ARL15: variants seen among roughly 807,000 people sequenced by gnomAD.
ARL15 encodes the protein ADP-ribosylation factor-like protein 15.
Under a neutral mutation model 25.2 loss-of-function variants are expected in ARL15, and 19 were observed. That is an observed-to-expected ratio of 0.75 (90% confidence interval 0.53 to 1.10). The LOEUF (loss-of-function observed/expected upper bound fraction) is 1.10, where lower values mean the gene tolerates loss of function less well. Ranked by LOEUF, ARL15 falls within the 50% of genes least tolerant of loss-of-function variation. The pLI is 0.00. For missense variants in ARL15, 220 were observed against 246.0 expected, an observed-to-expected ratio of 0.89 and a Z score of 0.71; for synonymous variants, 94 against 86.8, an observed-to-expected ratio of 1.08 and a Z score of -0.46.
intron 4 of ARL15, among the ~76,000 whole-genome samples, chr5:54,065,117 G>A (rs1417041578): frequency 6.6e-6 from 1 of 152,120 alleles, no homozygotes; most frequent in Non-Finnish European, 1.5e-5. Flanking sequence ...TACAGCCACA[G>A]AATTAAATAA....
At chr5:54,166,752 T>C (rs560456877) in intron 2 of ARL15, among the ~76,000 whole-genome samples, 13 of 152,232 alleles carry the variant, frequency 8.5e-5, no homozygotes, top group African/African-American at 2.6e-4. Context: ...TAATAACAGT[T>C]TTAATGTCCC....
intron 3 of ARL15, among the ~76,000 whole-genome samples, chr5:54,148,396 A>T (rs1310567035): frequency 6.6e-6 from 1 of 152,168 alleles, no homozygotes; most frequent in African/African-American, 2.4e-5. Flanking sequence ...AAGAAACCTT[A>T]AAAAAATGGC....
rs371423827 is a variant in ARL15 at position 54,191,116 on chromosome 5, C to G, written c.49-19188G>C. Among the ~76,000 whole-genome samples the G allele has an allele frequency of 3.3e-5, 5 of 151,452 alleles. No homozygotes were observed. In the East Asian group the frequency reaches 7.7e-4, roughly 23 times the overall value. On this transcript the variant is annotated intron_variant, in intron 1 of 4. Coordinates refer to ENST00000504924, the MANE Select transcript of ARL15 (RefSeq NM_019087.3). The stretch of plus-strand genomic sequence containing the variant: ...TGTGATATATACATATAATCGATTA[C>G]TATTTAGCTATAAAAAGGAAGGAAG...
intron 1 of ARL15, among the ~76,000 whole-genome samples, chr5:54,273,084 A>G (rs1477984726): frequency 6.6e-6 from 1 of 152,222 alleles, no homozygotes; most frequent in East Asian, 1.9e-4. Context: ...TTATGATTAT[A>G]AAAACATTCC....
At chr5:54,015,583 GTTACC>G (rs1749402346) in intron 4 of ARL15, among the ~76,000 whole-genome samples, 1 of 152,038 alleles carries the variant, frequency 6.6e-6, no homozygotes, top group Non-Finnish European at 1.5e-5. Context: ...TTTTAATAAT[GTTACC>G]TTAATCATTC....
At chr5:53,978,710 C>T (rs954195510) in intron 4 of ARL15, among the ~76,000 whole-genome samples, 8 of 150,130 alleles carry the variant, frequency 5.3e-5, no homozygotes, top group African/African-American at 7.3e-5. Flanking sequence ...TTCTGAGAAA[C>T]GTTCATATAA....
At chr5:54,079,967 TCACACACACACACACACACACACACA>T (rs58908566) in intron 4 of ARL15, among the ~76,000 whole-genome samples, 1 of 124,304 alleles carries the variant, frequency 8.0e-6, no homozygotes, top group Non-Finnish European at 1.7e-5. Context: ...TGAGACTCCG[TCACACACACACACACACACACACACA>T]CACACACACA....
chr5:54,089,818 A>G (rs1016034488), intron 4 of ARL15, among the ~76,000 whole-genome samples: 5 of 152,206 alleles, frequency 3.3e-5, no homozygotes, highest in African/African-American at 1.2e-4. Flanking sequence ...ATTCAAATGA[A>G]TCAAAAGGAT....
intron 3 of ARL15, among the ~76,000 whole-genome samples, chr5:54,151,546 T>A (rs1754069670): frequency 1.3e-5 from 2 of 151,814 alleles, no homozygotes; most frequent in Non-Finnish European, 2.9e-5. Context: ...AAACACCACA[T>A]GAAAAGAAAT....
At chr5:53,951,677 T>A (rs1746968917) in intron 4 of ARL15, 2 of 396,346 alleles carry the variant, frequency 5.0e-6, no homozygotes, top group Non-Finnish European at 9.8e-6. Flanking sequence ...ACTAAAAATA[T>A]CAGTAAATAA....
intron 1 of ARL15, among the ~76,000 whole-genome samples, chr5:54,226,138 C>T (rs1285050509): frequency 6.6e-6 from 1 of 151,964 alleles, no homozygotes; most frequent in East Asian, 1.9e-4. Flanking sequence ...GTTAAAAGGG[C>T]AAGGGATTCT....
chr5:54,180,982 T>A (rs1238653280), intron 1 of ARL15, among the ~76,000 whole-genome samples: 1 of 152,120 alleles, frequency 6.6e-6, no homozygotes, highest in African/African-American at 2.4e-5. Flanking sequence ...CCAGTCTGCA[T>A]CAGTCATCCC....
intron 4 of ARL15, among the ~76,000 whole-genome samples, chr5:53,989,815 A>G (rs1748423354): frequency 6.6e-6 from 1 of 152,224 alleles, no homozygotes; most frequent in African/African-American, 2.4e-5. Context: ...GTGTTTATAA[A>G]GAATTTTGAT....
chr5:53,909,095 G>C (rs1272703112), intron 4 of ARL15, among the ~76,000 whole-genome samples: 1 of 152,048 alleles, frequency 6.6e-6, no homozygotes, highest in East Asian at 1.9e-4. Context: ...AAACAAACAA[G>C]TACACTATAG....
chr5:54,302,712 T>TTTTTC (rs1554053980), intron 1 of ARL15, among the ~76,000 whole-genome samples: 5 of 136,528 alleles, frequency 3.7e-5, no homozygotes, highest in Non-Finnish European at 6.2e-5. Context: ...TTTTTTTTTT[T>TTTTTC]CCAGGATGGG....
chr5:54,107,595 C>G (rs1391892943), intron 4 of ARL15, among the ~76,000 whole-genome samples: 2 of 151,568 alleles, frequency 1.3e-5, no homozygotes, highest in Non-Finnish European at 2.9e-5. Flanking sequence ...ACTTCAGAGG[C>G]AGAAGTGGGA....
chr5:54,286,891 C>T (rs1758195626), intron 1 of ARL15, among the ~76,000 whole-genome samples: 1 of 134,686 alleles, frequency 7.4e-6, no homozygotes, highest in Non-Finnish European at 1.6e-5. Context: ...TTTAATGAGA[C>T]AGGGTCTTAC....
At chr5:54,283,128 AT>A (rs1367069539) in intron 1 of ARL15, among the ~76,000 whole-genome samples, 1 of 152,202 alleles carries the variant, frequency 6.6e-6, no homozygotes, top group African/African-American at 2.4e-5. Context: ...TCACGGTTTT[AT>A]CCATTGTGGC....
chr5:53,974,911 G>A (rs1393298764), intron 4 of ARL15, among the ~76,000 whole-genome samples: 1 of 152,150 alleles, frequency 6.6e-6, no homozygotes, highest in Admixed American at 6.5e-5. Flanking sequence ...CTTTCTGTCT[G>A]TGAGGTGGTA....
Sources: gnomAD v4.1 joint callset for allele counts (sites outside exome capture counted in the v4.1 genomes callset) on GRCh38, gnomAD v4.1.1 for gene constraint, MANE v1.5 for transcripts, NCBI Gene and HGNC (gene_info 2026-07-23, HGNC 2026-07-21) for gene names.